Variants in CHST15 observed in about 807,000 individuals in gnomAD.
CHST15 encodes carbohydrate sulfotransferase 15.
A neutral mutation model predicts 53.6 loss-of-function variants in CHST15; 30 were observed. The observed-to-expected ratio is 0.56, with a 90% CI of 0.42 to 0.76. The LOEUF (loss-of-function observed/expected upper bound fraction) is 0.76, where lower values mean the gene tolerates loss of function less well. Ranked by LOEUF, CHST15 falls within the 30% of genes least tolerant of loss-of-function variation. The pLI, the probability that CHST15 is intolerant of heterozygous loss-of-function variation, is 0.00. For synonymous variants in CHST15, 296 were observed against 289.8 expected (o/e 1.02, Z -0.22); for missense variants, 627 against 740.5 (o/e 0.85, Z 1.78).
In CHST15 at chr10:124,044,810, A is replaced by G. The variant is rs199953738; in HGVS notation, c.656T>C (p.Val219Ala). The change falls in exon 3 of 8, where the codon GTG becomes GCG. Residue 219 changes from valine (V) to alanine (A), a missense_variant. Physicochemically the swap from Val to Ala is moderately conservative, Grantham distance 64. Around this residue, in one of 3 missense-constraint regions of CHST15, gnomAD observed 161 missense variants for 117.2 expected, o/e 1.37. Coordinates refer to ENST00000435907, the MANE Select transcript of CHST15 (RefSeq NM_001270764.2). ...GGAGCGGAAGCGCTTGGAGTAGAGC[A>G]CGTAGGAGTTGGTGAGGTAGGGGTC... ...TTDPYLTNSY[V>A]LYSKRFRSTF... 79 of 1,594,594 alleles carry G rather than the reference A, an allele frequency of 5.0e-5. 2 individuals carry two copies. The Middle Eastern group carries it at 1.0e-3, about 20-fold the overall frequency.
intron 6 of CHST15, among the ~76,000 whole-genome samples, chr10:124,016,300 C>CTGTG (rs1319452306): frequency 6.6e-6 from 1 of 152,150 alleles, no homozygotes; most frequent in East Asian, 1.9e-4. Flanking sequence ...CCTCCCAGGG[C>CTGTG]TGTGGCAGGG....
At chr10:124,085,351 A>G (rs1184144320) in intron 1 of CHST15, among the ~76,000 whole-genome samples, 1 of 152,172 alleles carries the variant, frequency 6.6e-6, no homozygotes. Flanking sequence ...TTTTCCCCTA[A>G]GGCTCTCAAG....
chr10:124,031,696 T>C (rs1469429325), intron 5 of CHST15, among the ~76,000 whole-genome samples: 2 of 152,204 alleles, frequency 1.3e-5, no homozygotes, highest in Non-Finnish European at 2.9e-5. Flanking sequence ...TACCTAATAA[T>C]AATAATAGTT....
chr10:124,020,926 T>C, intron 6 of CHST15: 1 of 1,379,186 alleles, frequency 7.3e-7, no homozygotes, highest in Non-Finnish European at 9.3e-7. Flanking sequence ...TAAGACAATT[T>C]GAGAGTTGGG....
At chr10:124,081,543 T>C (rs955847175) in intron 1 of CHST15, among the ~76,000 whole-genome samples, 2 of 152,192 alleles carry the variant, frequency 1.3e-5, no homozygotes, top group Non-Finnish European at 2.9e-5. Context: ...TTCTGCCAAG[T>C]TTACTTCTTA....
chr10:124,012,581 T>C, intron 6 of CHST15, 101 bp from the exon 7 acceptor site: 1 of 1,310,736 alleles, frequency 7.6e-7, no homozygotes, highest in Non-Finnish European at 1.0e-6. Context: ...CACAAAAGAG[T>C]TATCCTAGCA....
chr10:124,040,128 T>G (rs762294588), intron 4 of CHST15, among the ~76,000 whole-genome samples: 7 of 152,216 alleles, frequency 4.6e-5, no homozygotes, highest in Non-Finnish European at 7.3e-5. Context: ...AAGTGAACTC[T>G]CTAGCTAAAT....
chr10:124,028,513 A>C (rs74999704), intron 5 of CHST15, among the ~76,000 whole-genome samples: 4,952 of 152,280 alleles, frequency 0.033, 239 homozygotes, highest in East Asian at 0.23. Context: ...ACAATTCGCC[A>C]GTTTTTAGTA....
intron 1 of CHST15, among the ~76,000 whole-genome samples, chr10:124,050,408 C>G (rs1254831349): frequency 6.6e-6 from 1 of 152,182 alleles, no homozygotes; most frequent in Non-Finnish European, 1.5e-5. Flanking sequence ...GGGGAGAGAG[C>G]AATACAACCA....
At chr10:124,085,420 C>G (rs1399696872) in intron 1 of CHST15, among the ~76,000 whole-genome samples, 2 of 152,190 alleles carry the variant, frequency 1.3e-5, no homozygotes, top group South Asian at 2.1e-4. Flanking sequence ...CCAGGAAATC[C>G]AAGGTTATTC....
At position 124,024,525 on chromosome 10, in the gene CHST15, C is replaced by A. The variant is rs1261220218; in HGVS notation, c.1191-3113G>T. On this transcript the variant is annotated intron_variant, in intron 5 of 7. Coordinates refer to ENST00000435907, the MANE Select transcript of CHST15 (RefSeq NM_001270764.2). The surrounding 1 kb of genome is among the most constrained non-coding windows in gnomAD (Gnocchi z 4.0). ...CCAAACTGTCCAAAGAGACAGTCAGCAAAGGGGCTCGGTGGCCACTGAGTA... is the reference window on the plus strand; with the variant it reads ...CCAAACTGTCCAAAGAGACAGTCAGAAAAGGGGCTCGGTGGCCACTGAGTA... Among the ~76,000 whole-genome samples, 2 of 152,192 alleles carry A rather than the reference C, an allele frequency of 1.3e-5. No homozygotes were observed. Among genetic ancestry groups the A allele is most frequent in the Non-Finnish European group, 2.9e-5 (2 of 68,026 alleles).
At chr10:124,086,876 G>A (rs189596990) in intron 1 of CHST15, among the ~76,000 whole-genome samples, 4 of 152,294 alleles carry the variant, frequency 2.6e-5, no homozygotes, top group Non-Finnish European at 5.9e-5. Flanking sequence ...GTAATGGGAC[G>A]AAGCAGCACT....
intron 5 of CHST15, among the ~76,000 whole-genome samples, chr10:124,025,589 G>A (rs1037256116): frequency 3.3e-5 from 5 of 152,210 alleles, no homozygotes; most frequent in East Asian, 3.8e-4. Flanking sequence ...TCTGGATTCC[G>A]TAGTTGGATG....
Position 124,044,761 on chromosome 10 carries a change from G to A in CHST15, c.705C>T (p.Ala235=). The A allele has an allele frequency of 1.2e-6, 2 of 1,612,736 alleles. No individual in the cohort carries two copies. Among genetic ancestry groups the A allele is most frequent in the South Asian group, 1.1e-5 (1 of 90,920 alleles). Residue 235 remains alanine, a synonymous_variant, in exon 3 of 8, where the codon GCC becomes GCT. Transcript: ENST00000435907. ...FRSTFDALRK[A]FWGHLAHAHG... ...GCGCGTGCGCCAGGTGGCCCCAGAA[G>A]GCCTTGCGCAGGGCGTCGAAGGTGG...
At chr10:124,038,487 C>T in intron 5 of CHST15, 28 bp downstream of exon 5, 1 of 1,608,502 alleles carries the variant, frequency 6.2e-7, no homozygotes, top group Non-Finnish European at 8.5e-7. Context: ...TCTTCTCACC[C>T]CAAATACAAC....
At chr10:124,011,142 C>G in intron 7 of CHST15, 1 of 918,370 alleles carries the variant, frequency 1.1e-6, no homozygotes. Context: ...GCAAGGGCTG[C>G]GACCCCAACG....
intron 1 of CHST15, among the ~76,000 whole-genome samples, chr10:124,053,349 T>C (rs1948266931): frequency 6.6e-6 from 1 of 152,252 alleles, no homozygotes; most frequent in South Asian, 2.1e-4. Context: ...TACTCATTTG[T>C]CCTCTTGCAC....
chr10:124,039,462 A>T (rs1393252196), intron 4 of CHST15, among the ~76,000 whole-genome samples: 1 of 152,250 alleles, frequency 6.6e-6, no homozygotes, highest in Non-Finnish European at 1.5e-5. Context: ...ACTGTTCATC[A>T]CAGAGCATAC....
At chr10:124,085,714 A>G (rs1215568251) in intron 1 of CHST15, among the ~76,000 whole-genome samples, 2 of 152,118 alleles carry the variant, frequency 1.3e-5, no homozygotes, top group Admixed American at 1.3e-4. Flanking sequence ...ACAGTGTGGG[A>G]CAGGGTCAAG....
Sources: gnomAD v4.1 joint callset for allele counts (sites outside exome capture counted in the v4.1 genomes callset) on GRCh38, gnomAD v4.1.1 for gene constraint, gnomAD v4.1.1 regional missense constraint, Gnocchi (gnomAD v3.1) non-coding constraint, MANE v1.5 for transcripts, NCBI Gene and HGNC (gene_info 2026-07-23, HGNC 2026-07-21) for gene names.